Variants in CDC42BPB observed in about 807,000 individuals in gnomAD.
CDC42BPB encodes the protein serine/threonine-protein kinase MRCK beta.
Under a neutral mutation model 214.9 loss-of-function variants are expected in CDC42BPB, and 37 were observed. That is an observed-to-expected ratio of 0.17 (90% CI 0.13 to 0.23). The LOEUF is 0.23. Among genes scored for constraint, CDC42BPB ranks in the 10% least tolerant of loss-of-function variants. CDC42BPB has a pLI of 1.00. For missense variants in CDC42BPB, 1,694 were observed against 2,227.0 expected (o/e 0.76, Z 4.82); for synonymous variants, 931 against 884.0 (o/e 1.05, Z -0.94).
intron 1 of CDC42BPB, among the ~76,000 whole-genome samples, chr14:103,035,896 T>C (rs576418502): frequency 6.6e-6 from 1 of 151,652 alleles, no homozygotes; most frequent in South Asian, 2.1e-4. Context: ...ACACCTGTAA[T>C]ACACCAGCAC....
At chr14:103,016,145 G>A (rs973590778) in intron 1 of CDC42BPB, among the ~76,000 whole-genome samples, 2 of 152,262 alleles carry the variant, frequency 1.3e-5, no homozygotes, top group Non-Finnish European at 2.9e-5. Flanking sequence ...CACAGGCTGG[G>A]TCCCCAGTGA....
At chr14:103,017,385 A>C (rs1886525455) in intron 1 of CDC42BPB, among the ~76,000 whole-genome samples, 1 of 152,136 alleles carries the variant, frequency 6.6e-6, no homozygotes, top group Admixed American at 6.5e-5. Flanking sequence ...AAAATTTAAA[A>C]ATCTGATGAA....
At chr14:102,968,957 C>T (rs554162323) in intron 14 of CDC42BPB, 1 of 906,434 alleles carries the variant, frequency 1.1e-6, no homozygotes, top group Admixed American at 6.2e-5. Flanking sequence ...AGCTCTGCCC[C>T]ACACCCTGTT....
rs1295228572 is a variant in CDC42BPB at position 102,968,366 on chromosome 14, G to C, written c.2241-8C>G. The C allele has an allele frequency of 1.2e-6, 2 of 1,613,560 alleles. No homozygotes were observed. The highest frequency in any genetic ancestry group is 1.1e-5 in the South Asian group (1 of 90,930). On this transcript the variant is annotated splice_polypyrimidine_tract_variant and splice_region_variant and intron_variant, in intron 15 of 36. Coordinates refer to ENST00000361246, the MANE Select transcript of CDC42BPB (RefSeq NM_006035.4). The stretch of plus-strand genomic sequence containing the variant: ...TCCTCCATCTCGTTATGCCTGCCAA[G>C]GTGAGCGAGAAACAGTTTTAAAAGC...
Position 102,983,715 on chromosome 14 carries a change from C to T in CDC42BPB, c.732G>A (p.Ser244=), listed in dbSNP as rs747970324. 1.0e-4 allele frequency: 162 copies of T among 1,613,732 alleles called. 1 individual carries two copies. In the South Asian group the frequency reaches 1.3e-3, roughly 13 times the overall value. The stretch of plus-strand genomic sequence containing the variant: ...CCTCCATCGCCTGCAGGATCTCCGG[C>T]GAGATGTAGTCAGGTGTGCCCACGG... The part of the protein sequence containing the change: ...SVAVGTPDYI[S]PEILQAMEDG... The change falls in exon 7 of 37, where the codon TCG becomes TCA. Residue 244 remains serine (S), a synonymous_variant. Transcript: ENST00000361246.
chr14:102,958,609 G>A (rs751605396), intron 21 of CDC42BPB, among the ~76,000 whole-genome samples: 7 of 152,058 alleles, frequency 4.6e-5, no homozygotes, highest in Non-Finnish European at 7.4e-5. Flanking sequence ...CCAAGAACCT[G>A]CGGCCCATGG....
In CDC42BPB at chr14:102,949,840, T is replaced by G; in HGVS notation, c.3374A>C (p.Lys1125Thr). The change falls in exon 26 of 37, where the codon AAG becomes ACG. Residue 1125 changes from lysine (K) to threonine (T), a missense_variant. Lys to Thr is a moderately conservative substitution (Grantham distance 78). This residue lies in a region of CDC42BPB where 567 missense variants were observed against 790.3 expected (regional missense o/e 0.72). Transcript: ENST00000361246. ...QRAYAVVCDCKLFLYDLPEGK... is the reference protein window; with the variant it reads ...QRAYAVVCDCTLFLYDLPEGK... ...TTCAGGCAGATCATACAGGAAGAGC[T>G]TGCAGTCACAGACGACTGCATATGC... 1 of 1,613,662 alleles carries G rather than the reference T, an allele frequency of 6.2e-7. No individual in the cohort carries two copies. The highest frequency in any genetic ancestry group is 8.5e-7 in the Non-Finnish European group (1 of 1,180,006).
At chr14:103,048,201 T>C (rs62006932) in intron 1 of CDC42BPB, among the ~76,000 whole-genome samples, 3,390 of 152,224 alleles carry the variant, frequency 0.022, 51 homozygotes, top group Non-Finnish European at 0.033. Context: ...GGAGGAGTTC[T>C]AGTTAAAAGC....
intron 1 of CDC42BPB, among the ~76,000 whole-genome samples, chr14:103,053,761 CAAAA>C (rs1264978955): frequency 2.7e-5 from 2 of 73,924 alleles, no homozygotes; most frequent in Admixed American, 1.5e-4. Context: ...GACTCCGTCT[CAAAA>C]AAAAAAAAAA....
intron 23 of CDC42BPB, among the ~76,000 whole-genome samples, chr14:102,952,956 C>A (rs1213251067): frequency 1.3e-5 from 2 of 152,236 alleles, no homozygotes; most frequent in Admixed American, 1.3e-4. Context: ...TGGGGGCCGA[C>A]CTGGGGCCAC....
chr14:103,039,292 C>CAAAAAAAAAAAAAAAAAAAAAAAAAACA (rs202028122), intron 1 of CDC42BPB, among the ~76,000 whole-genome samples: 1 of 70,640 alleles, frequency 1.4e-5, no homozygotes. Context: ...GATACCAAAC[C>CAAAAAAAAAAAAAAAAAAAAAAAAAACA]AAAAAAAAAA....
intron 18 of CDC42BPB, 100 bp from the exon 19 acceptor site, chr14:102,964,750 C>T (rs1157551095): frequency 1.7e-5 from 24 of 1,424,934 alleles, no homozygotes; most frequent in Middle Eastern, 1.9e-4. Flanking sequence ...TAAGCCATTA[C>T]GGTCTCATTT....
At chr14:103,056,915 CG>C in intron 1 of CDC42BPB, 83 bp downstream of exon 1, 2 of 739,828 alleles carry the variant, frequency 2.7e-6, no homozygotes, top group Non-Finnish European at 3.4e-6. Flanking sequence ...TCTGTCCGGG[CG>C]GGGATGGGCG....
In CDC42BPB at chr14:102,963,173, T is replaced by TG; in HGVS notation, c.2727-19dup. The TG allele has an allele frequency of 6.4e-7, 1 of 1,568,164 alleles. No homozygotes were observed. The highest frequency in any genetic ancestry group is 8.7e-7 in the Non-Finnish European group (1 of 1,148,534). On this transcript the variant is annotated intron_variant, in intron 19 of 36. Coordinates refer to ENST00000361246, the MANE Select transcript of CDC42BPB (RefSeq NM_006035.4). ...TTAGTTTGCTAAAATAAAAAATAAATGGCTTTAAGTGCACTGAGAAGAGGT... is the reference window on the plus strand; with the variant it reads ...TTAGTTTGCTAAAATAAAAAATAAATGGGCTTTAAGTGCACTGAGAAGAGGT...
At chr14:102,999,822 C>T (rs1255648151) in intron 4 of CDC42BPB, 109 bp from the exon 5 acceptor site, 3 of 1,512,898 alleles carry the variant, frequency 2.0e-6, no homozygotes, top group East Asian at 4.8e-5. Context: ...AGGTCTGGCT[C>T]GTGGCATCTC....
In CDC42BPB at chr14:102,943,910, A is replaced by T; in HGVS notation, c.4389T>A (p.Pro1463=). ...ACATACTACAGGCGACAGGAGCCGC[A>T]GGCCACATGAGCTCCTGCGCGCGTG... The part of the protein sequence containing the change: ...RRARAQELMW[P]AAPVACSCSP... Residue 1463 remains proline, a synonymous_variant, in exon 30 of 37, where the codon CCT becomes CCA. Transcript: ENST00000361246. The surrounding 1 kb of genome is among the most constrained non-coding windows in gnomAD (Gnocchi z 4.6). 1 of 1,609,118 alleles carries T rather than the reference A, an allele frequency of 6.2e-7. No homozygotes were observed. The highest frequency in any genetic ancestry group is 8.5e-7 in the Non-Finnish European group (1 of 1,178,006).
chr14:103,015,298 C>T (rs765636290), intron 1 of CDC42BPB, among the ~76,000 whole-genome samples: 1 of 152,114 alleles, frequency 6.6e-6, no homozygotes, highest in South Asian at 2.1e-4. Context: ...CAAACTGCTC[C>T]GAGAACACTA....
chr14:103,032,167 C>G (rs550431524), intron 1 of CDC42BPB, among the ~76,000 whole-genome samples: 1 of 152,094 alleles, frequency 6.6e-6, no homozygotes, highest in East Asian at 1.9e-4. Flanking sequence ...CCTTGTCCCC[C>G]TCTGCTGTCT....
Position 102,968,375 on chromosome 14 carries a change from GA to G in CDC42BPB, c.2241-18del. On this transcript the variant is annotated intron_variant, in intron 15 of 36. Coordinates refer to ENST00000361246, the MANE Select transcript of CDC42BPB (RefSeq NM_006035.4). ...TCGTTATGCCTGCCAAGGTGAGCGA[GA>G]AACAGTTTTAAAAGCTCGTAACTTC... 3.7e-6 allele frequency: 6 copies of G among 1,613,484 alleles called. No homozygotes were observed. Among genetic ancestry groups the G allele is most frequent in the Non-Finnish European group, 5.1e-6 (6 of 1,179,784 alleles).
Sources: allele counts gnomAD v4.1 joint callset (sites outside exome capture counted in the v4.1 genomes callset), GRCh38; gene constraint gnomAD v4.1.1; regional missense constraint gnomAD v4.1.1; non-coding constraint Gnocchi (gnomAD v3.1); transcripts MANE v1.5; gene names NCBI Gene and HGNC (gene_info 2026-07-23, HGNC 2026-07-21).